Variants in CCDC88A observed in about 807,000 individuals in gnomAD.
CCDC88A encodes the protein coiled-coil and HOOK domain protein 88A.
Under a neutral mutation model 234.3 loss-of-function variants are expected in CCDC88A, and 54 were observed. The observed-to-expected ratio is 0.23, with a 90% CI of 0.19 to 0.29. CCDC88A has a LOEUF of 0.29. Ranked by LOEUF, CCDC88A falls within the 10% of genes least tolerant of loss-of-function variation. CCDC88A has a pLI of 1.00. For synonymous variants in CCDC88A, 753 were observed against 737.8 expected, an observed-to-expected ratio of 1.02 and a Z score of -0.33; for missense variants, 1,832 against 2,123.4, an observed-to-expected ratio of 0.86 and a Z score of 2.70.
At chr2:55,417,899 T>A (rs1286394236) in intron 2 of CCDC88A, 1 of 151,824 alleles carries the variant, frequency 6.6e-6, no homozygotes, top group Non-Finnish European at 1.5e-5. Context: ...AACTACCTCT[T>A]CTCATCAGAT....
Position 55,343,706 on chromosome 2 carries a change from T to C in CCDC88A, c.1275A>G (p.Glu425=). ...LEMAQKQSMD[E]SLHLGWELEQ... is the part of the protein sequence containing the mutation. ...CCAGTTCCCAGCCAAGATGTAATGA[T>C]TCATCCATACTTTGTTTCTGTGCCA... The change falls in exon 12 of 33, where the codon GAA becomes GAG. Residue 425 remains glutamate, a synonymous_variant. Transcript: ENST00000436346. 2 of 1,612,226 alleles carry C rather than the reference T, an allele frequency of 1.2e-6. No homozygotes were observed. Among genetic ancestry groups the C allele is most frequent in the Non-Finnish European group, 8.5e-7 (1 of 1,178,840 alleles).
intron 2 of CCDC88A, among the ~76,000 whole-genome samples, chr2:55,411,168 T>C (rs1015921210): frequency 6.6e-6 from 1 of 152,160 alleles, no homozygotes. Context: ...TTTCTGAATA[T>C]TGAAAACTTA....
At chr2:55,372,014 T>C (rs969171027) in intron 5 of CCDC88A, among the ~76,000 whole-genome samples, 2 of 152,154 alleles carry the variant, frequency 1.3e-5, no homozygotes, top group Non-Finnish European at 2.9e-5. Context: ...TAAAACACTT[T>C]TCATAAATTC....
intron 13 of CCDC88A, among the ~76,000 whole-genome samples, chr2:55,338,170 C>G (rs1281911617): frequency 6.6e-6 from 1 of 152,160 alleles, no homozygotes; most frequent in African/African-American, 2.4e-5. Flanking sequence ...CTGTACTCTA[C>G]AGGCCCAATT....
At chr2:55,379,331 T>C (rs1674206496) in intron 3 of CCDC88A, among the ~76,000 whole-genome samples, 1 of 152,170 alleles carries the variant, frequency 6.6e-6, no homozygotes, top group Non-Finnish European at 1.5e-5. Context: ...ATAATGCATG[T>C]ATATAAACTA....
At chr2:55,389,943 AG>A (rs1181093320) in intron 2 of CCDC88A, among the ~76,000 whole-genome samples, 2 of 150,110 alleles carry the variant, frequency 1.3e-5, no homozygotes, top group Non-Finnish European at 3.0e-5. Context: ...TGGGAGGCTG[AG>A]GCAGGAGAAT....
At chr2:55,417,280 G>A (rs958046029) in intron 2 of CCDC88A, 3 of 151,836 alleles carry the variant, frequency 2.0e-5, no homozygotes, top group African/African-American at 7.2e-5. Flanking sequence ...CTATTTTTGT[G>A]AACACACATT....
chr2:55,330,461 A>T (rs1277415877), intron 16 of CCDC88A, among the ~76,000 whole-genome samples: 1 of 151,396 alleles, frequency 6.6e-6, no homozygotes, highest in Non-Finnish European at 1.5e-5. Context: ...TGACAAGAGC[A>T]AAACTCCGAC....
In CCDC88A at chr2:55,388,484, T is replaced by C. The variant is rs1223231728; in HGVS notation, c.273+294A>G. On this transcript the variant is annotated intron_variant, in intron 3 of 32. Transcript: ENST00000436346. ...GGAAGTACACTTTTCAAAGGCATAA[T>C]TCAAGAAGTCTAACAACAAAATGTT... The C allele has an allele frequency of 1.8e-5, 3 of 169,774 alleles. No individual in the cohort carries two copies. In the Admixed American group the frequency reaches 1.9e-4, roughly 11 times the overall value. The allele number at this position is 169,774 out of a possible 1,614,324, so 10.5% of individuals were successfully genotyped here.
At chr2:55,321,695 A>G (rs909726282) in intron 18 of CCDC88A, among the ~76,000 whole-genome samples, 1 of 152,326 alleles carries the variant, frequency 6.6e-6, no homozygotes, top group South Asian at 2.1e-4. Context: ...CTCCAATATA[A>G]TATTAACTGA....
chr2:55,347,710 C>A (rs975852546), intron 9 of CCDC88A, among the ~76,000 whole-genome samples: 3 of 149,306 alleles, frequency 2.0e-5, no homozygotes, highest in African/African-American at 7.4e-5. Flanking sequence ...CTCCCAGGTT[C>A]AAGCGATTCT....
chr2:55,334,100 T>C lies in CCDC88A; in HGVS notation c.2721A>G (p.Leu907=), dbSNP rs1489952208. 2 of 1,277,494 alleles carry C rather than the reference T, an allele frequency of 1.6e-6. No individual in the cohort carries two copies. Among genetic ancestry groups the C allele is most frequent in the African/African-American group, 3.1e-5 (2 of 65,496 alleles). 79.1% of individuals were successfully genotyped at this position (1,277,494 alleles called of 1,614,324 possible). A position where few individuals can be genotyped will look rare whatever the true frequency, so the allele number is the denominator to read the frequency against. Residue 907 remains leucine, a synonymous_variant, in exon 15 of 33, where the codon CTA becomes CTG. Transcript: ENST00000436346. The surrounding 1 kb of genome is among the most constrained non-coding windows in gnomAD (Gnocchi z 6.1). ...ATIDIKTLVT[L]REDLVSEKLK... The stretch of plus-strand genomic sequence containing the variant: ...TTTAGGTAAACATATTTACCTCACG[T>C]AGTGTAACCAACGTTTTTATATCAA...
At position 55,375,674 on chromosome 2, in the gene CCDC88A, C is replaced by G. The variant is rs565797713; in HGVS notation, c.274-791G>C. ...TCCCAGGTAACTGGGACTAGAGGCG[C>G]CTACCACGATGCCTGGCTAATTTTT... On this transcript the variant is annotated intron_variant, in intron 3 of 32. Coordinates refer to ENST00000436346, the MANE Select transcript of CCDC88A (RefSeq NM_001365480.1). Among the ~76,000 whole-genome samples the G allele has an allele frequency of 5.3e-3, 807 of 151,394 alleles. 3 individuals carry two copies. Among genetic ancestry groups the G allele is most frequent in the Middle Eastern group, 0.02 (6 of 294 alleles).
At chr2:55,376,611 T>C (rs1422833860) in intron 3 of CCDC88A, among the ~76,000 whole-genome samples, 4 of 152,292 alleles carry the variant, frequency 2.6e-5, no homozygotes, top group East Asian at 1.9e-4. Flanking sequence ...TAAAAAACTA[T>C]TGCCAAAATA....
At chr2:55,392,466 T>C (rs1233873471) in intron 2 of CCDC88A, among the ~76,000 whole-genome samples, 11 of 152,188 alleles carry the variant, frequency 7.2e-5, no homozygotes, top group Admixed American at 2.0e-4. Flanking sequence ...CTGATAAGCA[T>C]GGTGTATCTC....
chr2:55,362,354 G>A lies in CCDC88A; in HGVS notation c.581C>T (p.Ala194Val). 1 of 1,594,116 alleles carries A rather than the reference G, an allele frequency of 6.3e-7. No individual in the cohort carries two copies. The highest frequency in any genetic ancestry group is 8.5e-7 in the Non-Finnish European group (1 of 1,171,610). The stretch of plus-strand genomic sequence containing the variant: ...ATCTATAAGTCTTTTTAGATGCAAT[G>A]CCATATTTTTCAAGAGTGGTTCTAT... ...EDIEPLLKNMALHLKRLIDER... is the reference protein window; with the variant it reads ...EDIEPLLKNMVLHLKRLIDER... Residue 194 changes from alanine (A) to valine (V), a missense_variant, in exon 7 of 33, where the codon GCA becomes GTA. Physicochemically the swap from Ala to Val is moderately conservative, Grantham distance 64. Around this residue, in one of 6 missense-constraint regions of CCDC88A, gnomAD observed 1,282 missense variants for 1,543.6 expected, o/e 0.83. Transcript: ENST00000436346.
intron 25 of CCDC88A, among the ~76,000 whole-genome samples, chr2:55,305,923 T>C (rs1378040197): frequency 6.6e-6 from 1 of 152,112 alleles, no homozygotes; most frequent in Admixed American, 6.6e-5. Context: ...CTTTCTTTTT[T>C]GTTTTTTTTG....
chr2:55,334,685 A>G lies in CCDC88A; in HGVS notation c.2136T>C (p.Ser712=). 6.2e-7 allele frequency: 1 copy of G among 1,613,702 alleles called. No individual in the cohort carries two copies. The highest frequency in any genetic ancestry group is 8.5e-7 in the Non-Finnish European group (1 of 1,179,810). Residue 712 remains serine, a synonymous_variant, in exon 15 of 33, where the codon TCT becomes TCC. Transcript: ENST00000436346. The surrounding 1 kb of genome is among the most constrained non-coding windows in gnomAD (Gnocchi z 6.1). ...CCATTTTCATGCTTGCACACTTCAA[A>G]GATTCTACATTCCTTCGCAGTTCTA... The part of the protein sequence containing the change: ...ENLELRRNVE[S]LKCASMKMAQ...
intron 31 of CCDC88A, among the ~76,000 whole-genome samples, chr2:55,293,297 G>T (rs1422716563): frequency 6.6e-6 from 1 of 152,046 alleles, no homozygotes; most frequent in Non-Finnish European, 1.5e-5. Flanking sequence ...TTTAATCTCA[G>T]CTATGTTTAC....
Sources: gnomAD v4.1 joint callset for allele counts (sites outside exome capture counted in the v4.1 genomes callset) on GRCh38, gnomAD v4.1.1 for gene constraint, gnomAD v4.1.1 regional missense constraint, Gnocchi (gnomAD v3.1) non-coding constraint, MANE v1.5 for transcripts, NCBI Gene and HGNC (gene_info 2026-07-23, HGNC 2026-07-21) for gene names.